MAP4K4: variants seen among roughly 807,000 people sequenced by gnomAD.
The protein encoded by MAP4K4 is mitogen-activated protein kinase kinase kinase kinase 4.
A neutral mutation model predicts 189.6 loss-of-function variants in MAP4K4; 38 were observed. The ratio of observed to expected loss-of-function variants is 0.20; its 90% confidence interval spans 0.15 to 0.26. The LOEUF (loss-of-function observed/expected upper bound fraction) is 0.26. Ranked by LOEUF, MAP4K4 falls within the 10% of genes least tolerant of loss-of-function variation. The pLI is 1.00. For synonymous variants in MAP4K4, 610 were observed against 624.3 expected (o/e 0.98, Z 0.34); for missense variants, 1,054 against 1,726.9 (o/e 0.61, Z 6.91).
chr2:101,876,393 A>G (rs915778064), intron 26 of MAP4K4, among the ~76,000 whole-genome samples: 4 of 152,220 alleles, frequency 2.6e-5, no homozygotes, highest in Non-Finnish European at 2.9e-5. Flanking sequence ...GGGTGAGTCA[A>G]ATATCAAATC....
chr2:101,728,949 T>C (rs760115681), intron 2 of MAP4K4, among the ~76,000 whole-genome samples: 1 of 152,202 alleles, frequency 6.6e-6, no homozygotes, highest in Non-Finnish European at 1.5e-5. Flanking sequence ...ATCAATCTGT[T>C]GACATGAAGA....
chr2:101,795,851 C>A (rs2093629003), intron 3 of MAP4K4, among the ~76,000 whole-genome samples: 1 of 152,016 alleles, frequency 6.6e-6, no homozygotes, highest in Non-Finnish European at 1.5e-5. Flanking sequence ...CCTGATAAAA[C>A]AACACATTTT....
intron 3 of MAP4K4, among the ~76,000 whole-genome samples, chr2:101,793,082 T>C (rs2093195121): frequency 6.6e-6 from 1 of 152,238 alleles, no homozygotes; most frequent in South Asian, 2.1e-4. Flanking sequence ...AAAGGTATTT[T>C]CTTGCCTGAA....
intron 28 of MAP4K4, among the ~76,000 whole-genome samples, chr2:101,884,567 G>A (rs1238975387): frequency 6.6e-6 from 1 of 152,168 alleles, no homozygotes; most frequent in Non-Finnish European, 1.5e-5. Context: ...TAAGTCACAG[G>A]TACTCAAGGA....
intron 3 of MAP4K4, 92 bp from the exon 4 acceptor site, chr2:101,823,836 T>C (rs1448746880): frequency 9.0e-7 from 1 of 1,106,266 alleles, no homozygotes; most frequent in Non-Finnish European, 1.3e-6. Context: ...ATGGAGAACT[T>C]GTGTTCCTTT....
intron 2 of MAP4K4, among the ~76,000 whole-genome samples, chr2:101,699,120 G>A (rs1236366885): frequency 2.6e-5 from 4 of 152,238 alleles, no homozygotes; most frequent in Non-Finnish European, 5.9e-5. Flanking sequence ...AAGAATTACA[G>A]TGTGGGGATT....
intron 12 of MAP4K4, 121 bp from the exon 13 acceptor site, chr2:101,855,856 T>C (rs2097436029): frequency 1.1e-6 from 1 of 887,750 alleles, no homozygotes; most frequent in South Asian, 2.0e-5. Flanking sequence ...GGCCAGTAGA[T>C]ATGGGGCCCA....
intron 2 of MAP4K4, among the ~76,000 whole-genome samples, chr2:101,782,400 A>G (rs992559242): frequency 2.0e-5 from 3 of 152,192 alleles, no homozygotes; most frequent in African/African-American, 4.8e-5. Context: ...GAATAATTCT[A>G]TATTGATTTT....
intron 2 of MAP4K4, among the ~76,000 whole-genome samples, chr2:101,744,964 TC>T (rs1266127885): frequency 1.3e-5 from 2 of 152,176 alleles, no homozygotes; most frequent in Non-Finnish European, 2.9e-5. Flanking sequence ...ACTTTTGTCA[TC>T]TATATGGGGT....
chr2:101,793,668 T>A (rs2093309188), intron 3 of MAP4K4, among the ~76,000 whole-genome samples: 1 of 151,784 alleles, frequency 6.6e-6, no homozygotes, highest in African/African-American at 2.4e-5. Flanking sequence ...GTTCTGACTC[T>A]TTAGGTGAAA....
chr2:101,729,101 A>AGAGAGAGAGTGTGTGTGT (rs149283961), intron 2 of MAP4K4, among the ~76,000 whole-genome samples: 120 of 130,594 alleles, frequency 9.2e-4, no homozygotes, highest in African/African-American at 3.6e-3. Context: ...AGAGAGAGAG[A>AGAGAGAGAGTGTGTGTGT]GTGTGTGTGT....
intron 2 of MAP4K4, among the ~76,000 whole-genome samples, chr2:101,736,010 C>T (rs2060142948): frequency 6.6e-6 from 1 of 152,146 alleles, no homozygotes; most frequent in African/African-American, 2.4e-5. Context: ...TTCCAGATGC[C>T]TACTAGTTAC....
At chr2:101,853,461 C>G (rs2097348873) in intron 12 of MAP4K4, among the ~76,000 whole-genome samples, 1 of 152,006 alleles carries the variant, frequency 6.6e-6, no homozygotes, top group Non-Finnish European at 1.5e-5. Context: ...ATGAACACTC[C>G]TAGACAGTGG....
intron 3 of MAP4K4, among the ~76,000 whole-genome samples, chr2:101,802,793 T>A (rs2094494396): frequency 6.9e-6 from 1 of 145,810 alleles, no homozygotes; most frequent in African/African-American, 2.5e-5. Flanking sequence ...TCTTTGTCTG[T>A]TTTTTTTTTG....
At chr2:101,793,500 T>C (rs1348476535) in intron 3 of MAP4K4, among the ~76,000 whole-genome samples, 3 of 151,390 alleles carry the variant, frequency 2.0e-5, no homozygotes, top group Non-Finnish European at 4.4e-5. Flanking sequence ...AGCATGTGCT[T>C]CTGGTTCCAA....
chr2:101,786,039 T>C (rs992292337), intron 2 of MAP4K4, among the ~76,000 whole-genome samples: 1 of 152,142 alleles, frequency 6.6e-6, no homozygotes, highest in African/African-American at 2.4e-5. Flanking sequence ...TTGGCCAGGC[T>C]GGTTTCGAAC....
At chr2:101,697,934 C>CGCT (rs1432998746) in exon 1 of MAP4K4, 1 of 236,496 alleles carries the variant, frequency 4.2e-6, no homozygotes, top group East Asian at 1.8e-4. Flanking sequence ...CCGAGCCCGC[C>CGCT]GCCGCCGCCC....
At chr2:101,829,646 G>T (rs1200455947) in intron 6 of MAP4K4, 52 bp downstream of exon 6, 7 of 1,254,792 alleles carry the variant, frequency 5.6e-6, no homozygotes, top group Non-Finnish European at 8.1e-6. Context: ...GCACAAGCCA[G>T]CTGCACTCCC....
chr2:101,791,338 G>T (rs1037365486), intron 3 of MAP4K4, among the ~76,000 whole-genome samples: 1 of 152,140 alleles, frequency 6.6e-6, no homozygotes, highest in Admixed American at 6.5e-5. Flanking sequence ...TGCAGCTTTA[G>T]ATGGGAAAGA....
Sources: allele counts gnomAD v4.1 joint callset (sites outside exome capture counted in the v4.1 genomes callset), GRCh38; gene constraint gnomAD v4.1.1; transcripts MANE v1.5; gene names NCBI Gene and HGNC (gene_info 2026-07-23, HGNC 2026-07-21).